Variants in CTNNA3 observed in about 807,000 individuals in gnomAD.
CTNNA3 encodes the protein catenin alpha 3.
CTNNA3 carries 76 observed loss-of-function variants against 95.7 expected under a neutral mutation model. The ratio of observed to expected loss-of-function variants is 0.79; its 90% CI spans 0.66 to 0.96. The LOEUF is 0.96. Among genes scored for constraint, CTNNA3 ranks in the 40% least tolerant of loss-of-function variants. The pLI is 0.00. For missense variants in CTNNA3, 1,191 were observed against 1,089.8 expected (o/e 1.09, Z -1.31); for synonymous variants, 431 against 374.4 (o/e 1.15, Z -1.74).
intron 1 of CTNNA3, among the ~76,000 whole-genome samples, chr10:67,675,843 GTC>G (rs779251663): frequency 1.3e-5 from 2 of 151,964 alleles, no homozygotes; most frequent in African/African-American, 2.4e-5. Flanking sequence ...TGTTTTTTCA[GTC>G]TTTTAATTAA....
chr10:67,287,392 A>C, intron 5 of CTNNA3, among the ~76,000 whole-genome samples: 1 of 152,124 alleles, frequency 6.6e-6, no homozygotes, highest in East Asian at 1.9e-4. Context: ...TGATAGCCAA[A>C]CCCATTCCAG....
intron 7 of CTNNA3, among the ~76,000 whole-genome samples, chr10:66,960,363 T>A (rs1849046161): frequency 6.6e-6 from 1 of 152,138 alleles, no homozygotes; most frequent in African/African-American, 2.4e-5. Context: ...TGACTACACA[T>A]CTAGCTGTCA....
At chr10:65,933,737 T>G (rs1035832072) in intron 17 of CTNNA3, among the ~76,000 whole-genome samples, 1 of 152,186 alleles carries the variant, frequency 6.6e-6, no homozygotes, top group Non-Finnish European at 1.5e-5. Context: ...TTCAATTCAT[T>G]TTCATTCATC....
intron 7 of CTNNA3, among the ~76,000 whole-genome samples, chr10:66,939,989 T>A (rs1401110446): frequency 6.6e-6 from 1 of 152,118 alleles, no homozygotes; most frequent in Non-Finnish European, 1.5e-5. Context: ...ATAAACCCAG[T>A]GGTTACTTAA....
At chr10:66,679,306 A>G (rs535240119) in intron 9 of CTNNA3, among the ~76,000 whole-genome samples, 144 of 152,324 alleles carry the variant, frequency 9.5e-4, no homozygotes, top group Non-Finnish European at 1.7e-3. Flanking sequence ...GATTTTGAGG[A>G]TACTAGCTTC....
intron 13 of CTNNA3, among the ~76,000 whole-genome samples, chr10:66,191,927 G>A (rs1357096348): frequency 6.6e-6 from 1 of 152,110 alleles, no homozygotes; most frequent in Non-Finnish European, 1.5e-5. Context: ...TCACAGGAGT[G>A]GGTTCTTTCT....
At chr10:67,404,026 C>A (rs1845034478) in intron 5 of CTNNA3, among the ~76,000 whole-genome samples, 1 of 152,100 alleles carries the variant, frequency 6.6e-6, no homozygotes, top group South Asian at 2.1e-4. Context: ...ACAAGAACAA[C>A]AACAACAAAA....
At chr10:67,290,248 A>G (rs1839782496) in intron 5 of CTNNA3, among the ~76,000 whole-genome samples, 1 of 152,150 alleles carries the variant, frequency 6.6e-6, no homozygotes, top group Non-Finnish European at 1.5e-5. Context: ...ATTTTGGTTT[A>G]TTGGAGACCT....
intron 1 of CTNNA3, among the ~76,000 whole-genome samples, chr10:67,726,607 A>C (rs1162748073): frequency 2.9e-5 from 1 of 34,024 alleles, no homozygotes; most frequent in Admixed American, 5.8e-4. Flanking sequence ...ATTACATATT[A>C]TATAATATAT....
chr10:65,979,807 C>T (rs2078282489), intron 16 of CTNNA3, among the ~76,000 whole-genome samples: 1 of 151,990 alleles, frequency 6.6e-6, no homozygotes, highest in Non-Finnish European at 1.5e-5. Context: ...TTCACTATTA[C>T]TTGAAAGACG....
At chr10:66,955,599 T>A (rs955279865) in intron 7 of CTNNA3, among the ~76,000 whole-genome samples, 3 of 152,118 alleles carry the variant, frequency 2.0e-5, no homozygotes, top group African/African-American at 7.2e-5. Flanking sequence ...AGACACTCAA[T>A]AAATGTTGGA....
chr10:66,418,048 CAAT>C (rs1019451558), intron 11 of CTNNA3, among the ~76,000 whole-genome samples: 9 of 144,452 alleles, frequency 6.2e-5, no homozygotes, highest in African/African-American at 2.3e-4. Context: ...ACTAGAAAAA[CAAT>C]AAAAAGCATG....
intron 13 of CTNNA3, among the ~76,000 whole-genome samples, chr10:66,109,803 G>A (rs567913792): frequency 1.3e-5 from 2 of 151,818 alleles, no homozygotes; most frequent in African/African-American, 4.8e-5. Flanking sequence ...ACACCAACAT[G>A]GCACATGTAT....
intron 6 of CTNNA3, among the ~76,000 whole-genome samples, chr10:67,207,472 C>A (rs1490708692): frequency 1.3e-5 from 2 of 152,108 alleles, no homozygotes; most frequent in African/African-American, 4.8e-5. Context: ...TCCACAGACA[C>A]CCTGAATTCT....
chr10:66,862,489 A>G (rs753217006), intron 7 of CTNNA3, among the ~76,000 whole-genome samples: 6 of 152,158 alleles, frequency 3.9e-5, no homozygotes, highest in Non-Finnish European at 8.8e-5. Context: ...ATGATGGTCA[A>G]CAAAGGCCTG....
chr10:67,244,311 C>T (rs1245280831), intron 5 of CTNNA3, among the ~76,000 whole-genome samples: 1 of 152,080 alleles, frequency 6.6e-6, no homozygotes, highest in African/African-American at 2.4e-5. Context: ...CTAAAATATA[C>T]CTAATTTCTA....
intron 1 of CTNNA3, among the ~76,000 whole-genome samples, chr10:67,711,516 A>G (rs1344588080): frequency 1.3e-5 from 2 of 152,186 alleles, no homozygotes; most frequent in Non-Finnish European, 2.9e-5. Flanking sequence ...TTCCCTAAAG[A>G]TGTGTGGAAC....
intron 10 of CTNNA3, among the ~76,000 whole-genome samples, chr10:66,561,686 A>G (rs1239785446): frequency 6.6e-6 from 1 of 152,068 alleles, no homozygotes. Flanking sequence ...GAGATTGTGG[A>G]CCTGGATGAA....
chr10:66,282,104 A>G (rs548423858), intron 12 of CTNNA3, among the ~76,000 whole-genome samples: 21 of 151,874 alleles, frequency 1.4e-4, no homozygotes, highest in Non-Finnish European at 2.5e-4. Flanking sequence ...TCATCAGGGT[A>G]ACTTTTGGGA....
Sources: allele counts gnomAD v4.1 joint callset (sites outside exome capture counted in the v4.1 genomes callset), GRCh38; gene constraint gnomAD v4.1.1; transcripts MANE v1.5; gene names NCBI Gene and HGNC (gene_info 2026-07-23, HGNC 2026-07-21).